HAPLN1: variants seen among roughly 807,000 people sequenced by gnomAD.
HAPLN1 encodes the protein Cartilage link protein.
A neutral mutation model predicts 36.5 loss-of-function variants in HAPLN1; 13 were observed. The ratio of observed to expected loss-of-function variants is 0.36; its 90% CI spans 0.23 to 0.57. HAPLN1 has a LOEUF of 0.57. Among genes scored for constraint, HAPLN1 ranks in the 20% least tolerant of loss-of-function variants. The probability of loss-of-function intolerance (pLI) is 0.83; values close to 1 mark genes in which losing one functional copy is unlikely to be tolerated. For synonymous variants in HAPLN1, 202 were observed against 169.8 expected (o/e 1.19, Z -1.48); for missense variants, 407 against 439.7 (o/e 0.93, Z 0.66).
chr5:83,707,712 A>C (rs1306612112), intron 1 of HAPLN1, among the ~76,000 whole-genome samples: 1 of 152,228 alleles, frequency 6.6e-6, no homozygotes, highest in East Asian at 1.9e-4. Flanking sequence ...AGCAATCACG[A>C]CAAGAGCAAA....
chr5:83,665,079 G>C (rs1750515521), intron 2 of HAPLN1, among the ~76,000 whole-genome samples: 1 of 151,938 alleles, frequency 6.6e-6, no homozygotes, highest in Admixed American at 6.6e-5. Context: ...CATTTTTCAA[G>C]AGAAAGTAAG....
At chr5:83,673,601 G>A (rs760207935) in intron 1 of HAPLN1, 52 bp from the exon 2 acceptor site, 50 of 977,170 alleles carry the variant, frequency 5.1e-5, no homozygotes, top group Non-Finnish European at 8.0e-5. Flanking sequence ...ACCCTTTGGA[G>A]TGTTGCACTG....
chr5:83,712,852 C>A (rs1580167792), intron 1 of HAPLN1, among the ~76,000 whole-genome samples: 5 of 138,294 alleles, frequency 3.6e-5, no homozygotes, highest in African/African-American at 5.3e-5. Flanking sequence ...TTTTATCAAG[C>A]AGTCCTATAA....
At position 83,639,951 on chromosome 5, in the gene HAPLN1, T is replaced by G. The variant is rs1312831768; in HGVS notation, c.*1545A>C. On this transcript the variant is annotated 3_prime_UTR_variant, in exon 5 of 5. Coordinates refer to ENST00000274341, the MANE Select transcript of HAPLN1 (RefSeq NM_001884.4). ...ACAGAACTCTATAGAGTAAATTTAT[T>G]AGAATTATTACAGAGCTTTAAATGC... 6.6e-6 allele frequency: 1 copy of G among 152,120 alleles called. No homozygotes were observed. 9.4% of individuals were successfully genotyped at this position (152,120 alleles called of 1,614,324 possible).
rs372132957 is a variant in HAPLN1, at chr5:83,643,904, T to G, written c.775+459A>C. Among the ~76,000 whole-genome samples, 9 of 152,360 alleles carry G rather than the reference T, an allele frequency of 5.9e-5. No individual in the cohort carries two copies. The South Asian group carries it at 1.9e-3, about 32-fold the overall frequency. ...TTCACCTTGAGAGTTAGTTCTATTT[T>G]CTTTTTCTTGCTTACTCCCCACTTT... On this transcript the variant is annotated intron_variant, in intron 4 of 4. Transcript: ENST00000274341.
chr5:83,650,874 T>C (rs1750040627), intron 3 of HAPLN1, among the ~76,000 whole-genome samples: 1 of 152,028 alleles, frequency 6.6e-6, no homozygotes, highest in South Asian at 2.1e-4. Context: ...GACCTTGTGA[T>C]CCGCCAAAAA....
chr5:83,695,487 T>A (rs1228546919), intron 1 of HAPLN1, among the ~76,000 whole-genome samples: 1 of 151,570 alleles, frequency 6.6e-6, no homozygotes, highest in African/African-American at 2.4e-5. Flanking sequence ...GCTCAACAGA[T>A]AAAACAGATA....
intron 1 of HAPLN1, among the ~76,000 whole-genome samples, chr5:83,686,651 A>AAC (rs1056032634): frequency 1.3e-5 from 2 of 152,108 alleles, no homozygotes; most frequent in African/African-American, 4.8e-5. Flanking sequence ...ATTCAACACA[A>AAC]ACACACACAC....
At chr5:83,664,440 T>C (rs373743164) in intron 2 of HAPLN1, among the ~76,000 whole-genome samples, 1 of 152,112 alleles carries the variant, frequency 6.6e-6, no homozygotes, top group Admixed American at 6.6e-5. Context: ...TGGAGTGCAG[T>C]GGCACAATAT....
At chr5:83,649,340 G>C (rs563796927) in intron 3 of HAPLN1, among the ~76,000 whole-genome samples, 35 of 151,978 alleles carry the variant, frequency 2.3e-4, no homozygotes, top group Non-Finnish European at 4.6e-4. Context: ...TTTGCTTTGA[G>C]TAATTTCTCT....
intron 1 of HAPLN1, among the ~76,000 whole-genome samples, chr5:83,693,820 A>G (rs1751333675): frequency 6.6e-6 from 1 of 151,928 alleles, no homozygotes. Flanking sequence ...CAGAGGTTCA[A>G]AAATACCTGA....
intron 3 of HAPLN1, chr5:83,652,153 A>G (rs150923095): frequency 8.2e-6 from 3 of 363,772 alleles, no homozygotes; most frequent in Non-Finnish European, 1.5e-5. Flanking sequence ...TAACCATATA[A>G]TGGAATTTAG....
At chr5:83,689,953 C>T (rs951915148) in intron 1 of HAPLN1, among the ~76,000 whole-genome samples, 1 of 151,964 alleles carries the variant, frequency 6.6e-6, no homozygotes, top group African/African-American at 2.4e-5. Flanking sequence ...CATTGCTATT[C>T]ATTCTTTCTT....
At chr5:83,648,360 A>AC (rs1303180523) in intron 3 of HAPLN1, among the ~76,000 whole-genome samples, 4 of 141,426 alleles carry the variant, frequency 2.8e-5, no homozygotes, top group Admixed American at 7.2e-5. Flanking sequence ...GTACTCTAGG[A>AC]TATAGGTATG....
chr5:83,689,090 AC>A (rs2112617763), intron 1 of HAPLN1, among the ~76,000 whole-genome samples: 1 of 152,234 alleles, frequency 6.6e-6, no homozygotes, highest in South Asian at 2.1e-4. Flanking sequence ...TGCATAGTCT[AC>A]CTTATTTAAA....
At chr5:83,701,952 AC>A (rs1751518550) in intron 1 of HAPLN1, among the ~76,000 whole-genome samples, 1 of 151,982 alleles carries the variant, frequency 6.6e-6, no homozygotes, top group Admixed American at 6.6e-5. Flanking sequence ...ACACACACAC[AC>A]ACACAAAATC....
chr5:83,693,132 CCT>C (rs1159915897), intron 1 of HAPLN1, among the ~76,000 whole-genome samples: 1 of 151,682 alleles, frequency 6.6e-6, no homozygotes, highest in Non-Finnish European at 1.5e-5. Context: ...ATGAGTATGG[CCT>C]CTCTCTCTCA....
intron 2 of HAPLN1, among the ~76,000 whole-genome samples, chr5:83,667,655 A>C (rs1044644734): frequency 6.6e-6 from 1 of 152,184 alleles, no homozygotes; most frequent in Non-Finnish European, 1.5e-5. Context: ...GAGAAAATTA[A>C]GACAGAGTAA....
chr5:83,702,713 A>G (rs1488141065), intron 1 of HAPLN1, among the ~76,000 whole-genome samples: 9 of 150,628 alleles, frequency 6.0e-5, no homozygotes, highest in Non-Finnish European at 8.9e-5. Flanking sequence ...GAAGCTTTCA[A>G]TATGCCCTCT....
Sources: allele counts gnomAD v4.1 joint callset (sites outside exome capture counted in the v4.1 genomes callset), GRCh38; gene constraint gnomAD v4.1.1; transcripts MANE v1.5; gene names NCBI Gene and HGNC (gene_info 2026-07-23, HGNC 2026-07-21).